Variants in GALNTL6 observed in about 807,000 individuals in gnomAD.
The protein encoded by GALNTL6 is polypeptide N-acetylgalactosaminyltransferase like 6.
GALNTL6 carries 46 observed loss-of-function variants against 73.7 expected under a neutral mutation model. That is an observed-to-expected ratio of 0.62 (90% CI 0.49 to 0.80). GALNTL6 has a LOEUF of 0.80. Among genes scored for constraint, GALNTL6 ranks in the 30% least tolerant of loss-of-function variants. GALNTL6 has a pLI of 0.00. For synonymous variants in GALNTL6, 259 were observed against 263.7 expected (o/e 0.98, Z 0.17); for missense variants, 604 against 755.0 (o/e 0.80, Z 2.34).
At chr4:172,533,516 G>T (rs1393403789) in intron 5 of GALNTL6, among the ~76,000 whole-genome samples, 1 of 151,536 alleles carries the variant, frequency 6.6e-6, no homozygotes, top group Non-Finnish European at 1.5e-5. Flanking sequence ...GTAGAGACAG[G>T]GTTTCACCAT....
chr4:172,581,320 T>C (rs915082157), intron 5 of GALNTL6, among the ~76,000 whole-genome samples: 1 of 152,204 alleles, frequency 6.6e-6, no homozygotes, highest in African/African-American at 2.4e-5. Flanking sequence ...TGGAGTCATT[T>C]TGGCACCTTC....
At chr4:172,649,532 A>T (rs1020914090) in intron 5 of GALNTL6, among the ~76,000 whole-genome samples, 1 of 152,206 alleles carries the variant, frequency 6.6e-6, no homozygotes. Flanking sequence ...CTGTGTTAGA[A>T]TAATCACAAA....
chr4:172,744,174 T>C (rs1423291161), intron 5 of GALNTL6, among the ~76,000 whole-genome samples: 1 of 152,104 alleles, frequency 6.6e-6, no homozygotes, highest in Non-Finnish European at 1.5e-5. Flanking sequence ...AACTGACTGT[T>C]AGACAAAGGT....
chr4:172,330,344 G>A (rs955703434), intron 4 of GALNTL6, among the ~76,000 whole-genome samples: 2 of 152,164 alleles, frequency 1.3e-5, no homozygotes, highest in African/African-American at 4.8e-5. Context: ...AGATCCACTG[G>A]GGAGGTGTGG....
intron 10 of GALNTL6, among the ~76,000 whole-genome samples, chr4:172,973,463 A>C (rs1021571609): frequency 1.3e-5 from 2 of 152,242 alleles, no homozygotes; most frequent in African/African-American, 4.8e-5. Context: ...GTAGGAATCT[A>C]ATTTAGTCAA....
intron 3 of GALNTL6, among the ~76,000 whole-genome samples, chr4:172,270,283 T>C (rs1220307767): frequency 2.6e-5 from 4 of 152,146 alleles, no homozygotes; most frequent in Admixed American, 2.6e-4. Flanking sequence ...GTATGTTTTT[T>C]TCATTCAGTA....
intron 5 of GALNTL6, among the ~76,000 whole-genome samples, chr4:172,393,063 C>G (rs1743722385): frequency 6.6e-6 from 1 of 152,142 alleles, no homozygotes. Flanking sequence ...TTATGAGAAT[C>G]TAACTAATGC....
At chr4:172,548,045 T>C (rs1735834864) in intron 5 of GALNTL6, among the ~76,000 whole-genome samples, 2 of 152,186 alleles carry the variant, frequency 1.3e-5, no homozygotes, top group African/African-American at 2.4e-5. Context: ...AAATGACTTG[T>C]GTATTAATCT....
intron 2 of GALNTL6, among the ~76,000 whole-genome samples, chr4:171,893,016 G>A (rs908682350): frequency 9.2e-5 from 14 of 152,032 alleles, no homozygotes; most frequent in Non-Finnish European, 1.0e-4. Context: ...GACAATAATA[G>A]GTAGTATGTG....
intron 2 of GALNTL6, among the ~76,000 whole-genome samples, chr4:172,200,749 T>C (rs1022242535): frequency 6.6e-6 from 1 of 152,230 alleles, no homozygotes; most frequent in Non-Finnish European, 1.5e-5. Flanking sequence ...TAAGTGATTG[T>C]CCTTAACTTT....
intron 2 of GALNTL6, among the ~76,000 whole-genome samples, chr4:172,008,013 C>T (rs192360866): frequency 4.9e-4 from 75 of 151,832 alleles, no homozygotes; most frequent in Admixed American, 4.9e-3. Context: ...ATTGTCTTGT[C>T]CATGTGGTCA....
chr4:171,926,563 T>G (rs1350873941), intron 2 of GALNTL6, among the ~76,000 whole-genome samples: 1 of 152,176 alleles, frequency 6.6e-6, no homozygotes, highest in African/African-American at 2.4e-5. Flanking sequence ...ACACATTCCC[T>G]GGCTTCCATG....
intron 5 of GALNTL6, among the ~76,000 whole-genome samples, chr4:172,546,551 G>A (rs1156858250): frequency 4.6e-5 from 7 of 151,296 alleles, no homozygotes; most frequent in African/African-American, 1.7e-4. Flanking sequence ...GAGTAGCCAT[G>A]ATTGTTTCTT....
chr4:172,939,948 A>G (rs138727087), intron 9 of GALNTL6, among the ~76,000 whole-genome samples: 3 of 152,320 alleles, frequency 2.0e-5, no homozygotes, highest in East Asian at 1.9e-4. Context: ...TTTAAACTAT[A>G]TATTTTGTTA....
intron 5 of GALNTL6, among the ~76,000 whole-genome samples, chr4:172,568,687 G>A (rs1208536708): frequency 1.3e-5 from 2 of 149,654 alleles, no homozygotes; most frequent in Non-Finnish European, 3.0e-5. Context: ...GAACCCGGGA[G>A]GCGGAGCTTG....
intron 5 of GALNTL6, among the ~76,000 whole-genome samples, chr4:172,662,203 A>C (rs537631404): frequency 1.1e-4 from 17 of 152,352 alleles, no homozygotes; most frequent in African/African-American, 4.1e-4. Context: ...ATCTGAAAAG[A>C]AGAGGGATCA....
chr4:172,711,855 G>A (rs79411750), intron 5 of GALNTL6, among the ~76,000 whole-genome samples: 3,298 of 152,224 alleles, frequency 0.022, 117 homozygotes, highest in African/African-American at 0.075. Flanking sequence ...AAGACAGGAC[G>A]TCCACAACTA....
chr4:171,968,148 A>G (rs1553976774), intron 2 of GALNTL6, among the ~76,000 whole-genome samples: 1 of 148,048 alleles, frequency 6.8e-6, no homozygotes, highest in Non-Finnish European at 1.5e-5. Context: ...TAACCTTTCC[A>G]TTTTTTTTTA....
chr4:172,290,213 C>A (rs1739415749), intron 3 of GALNTL6, among the ~76,000 whole-genome samples: 1 of 139,642 alleles, frequency 7.2e-6, no homozygotes, highest in Non-Finnish European at 1.5e-5. Flanking sequence ...AATTGAAACA[C>A]CATGAATTGT....
Sources: gnomAD v4.1 joint callset for allele counts (sites outside exome capture counted in the v4.1 genomes callset) on GRCh38, gnomAD v4.1.1 for gene constraint, MANE v1.5 for transcripts, NCBI Gene and HGNC (gene_info 2026-07-23, HGNC 2026-07-21) for gene names.